WWOX: variants seen among roughly 807,000 people sequenced by gnomAD.
WWOX encodes the protein WW domain-containing oxidoreductase.
A neutral mutation model predicts 46.2 loss-of-function variants in WWOX; 69 were observed. The observed-to-expected ratio is 1.49, with a 90% CI of 1.23 to 1.82. The LOEUF (loss-of-function observed/expected upper bound fraction) is 1.82, where lower values mean the gene tolerates loss of function less well. WWOX is among the 40% of genes most tolerant of loss of function. The pLI is 0.00. For missense variants in WWOX, 919 were observed against 542.6 expected (o/e 1.69, Z -6.89); for synonymous variants, 359 against 202.6 (o/e 1.77, Z -6.56).
At chr16:78,763,085 A>G (rs774271900) in intron 8 of WWOX, among the ~76,000 whole-genome samples, 31 of 152,180 alleles carry the variant, frequency 2.0e-4, no homozygotes, top group Admixed American at 3.3e-4. Context: ...ATTTTTCCTG[A>G]GCACCTACTC....
At chr16:78,751,631 A>G (rs999719169) in intron 8 of WWOX, among the ~76,000 whole-genome samples, 3 of 151,888 alleles carry the variant, frequency 2.0e-5, no homozygotes, top group Non-Finnish European at 4.4e-5. Flanking sequence ...ATGTAGATAC[A>G]AAAATAGAGT....
intron 4 of WWOX, among the ~76,000 whole-genome samples, chr16:78,143,993 T>A (rs562258697): frequency 6.6e-6 from 1 of 152,190 alleles, no homozygotes; most frequent in African/African-American, 2.4e-5. Flanking sequence ...ACCCATACAT[T>A]TAAATCATAC....
At chr16:79,166,745 A>G (rs543345730) in intron 8 of WWOX, among the ~76,000 whole-genome samples, 1 of 152,320 alleles carries the variant, frequency 6.6e-6, no homozygotes, top group African/African-American at 2.4e-5. Flanking sequence ...CAGATTATTC[A>G]TTACAATGAA....
At chr16:78,704,922 T>TG (rs2048300052) in intron 8 of WWOX, among the ~76,000 whole-genome samples, 2 of 148,458 alleles carry the variant, frequency 1.3e-5, no homozygotes, top group African/African-American at 4.9e-5. Context: ...TACAACTTGT[T>TG]TTTTTTTTTT....
chr16:79,128,641 G>T (rs2049811195), intron 8 of WWOX, among the ~76,000 whole-genome samples: 1 of 152,164 alleles, frequency 6.6e-6, no homozygotes, highest in South Asian at 2.1e-4. Flanking sequence ...TATTTCCAAA[G>T]AATGATTTCA....
At chr16:78,194,072 GT>G (rs61579324) in intron 5 of WWOX, among the ~76,000 whole-genome samples, 18,777 of 151,200 alleles carry the variant, frequency 0.12, 1,567 homozygotes, top group African/African-American at 0.24. Context: ...TAGAGACGGG[GT>G]TTCACTGAAG....
At chr16:78,609,209 A>T (rs1193026836) in intron 8 of WWOX, among the ~76,000 whole-genome samples, 1 of 152,224 alleles carries the variant, frequency 6.6e-6, no homozygotes, top group Non-Finnish European at 1.5e-5. Flanking sequence ...GTTGATAGAT[A>T]TCATTGTTTC....
chr16:78,656,271 G>C (rs940437264), intron 8 of WWOX, among the ~76,000 whole-genome samples: 10 of 152,034 alleles, frequency 6.6e-5, no homozygotes, highest in Non-Finnish European at 1.3e-4. Flanking sequence ...TATCTGATGA[G>C]GCCTTTTTTG....
intron 8 of WWOX, among the ~76,000 whole-genome samples, chr16:78,575,043 A>AGC (rs1567655086): frequency 1.8e-4 from 1 of 5,498 alleles, no homozygotes; most frequent in African/African-American, 6.5e-4. Context: ...ATATATATAT[A>AGC]TATATATATA....
At chr16:79,126,905 G>C (rs748607432) in intron 8 of WWOX, among the ~76,000 whole-genome samples, 36 of 152,166 alleles carry the variant, frequency 2.4e-4, no homozygotes, top group Non-Finnish European at 5.0e-4. Flanking sequence ...CTGTGTGTAA[G>C]ACAGAGAAAA....
chr16:78,140,229 A>C (rs1413359179), intron 4 of WWOX, among the ~76,000 whole-genome samples: 1 of 152,032 alleles, frequency 6.6e-6, no homozygotes, highest in Non-Finnish European at 1.5e-5. Context: ...GATACAGTCC[A>C]CCCCCTGCAC....
chr16:78,734,746 C>A (rs950840203), intron 8 of WWOX, among the ~76,000 whole-genome samples: 3 of 146,918 alleles, frequency 2.0e-5, no homozygotes, highest in Non-Finnish European at 4.5e-5. Context: ...GCCTGAGCTT[C>A]GTCTCATCAG....
chr16:78,694,822 C>G (rs117557560), intron 8 of WWOX, among the ~76,000 whole-genome samples: 2,010 of 150,932 alleles, frequency 0.013, 19 homozygotes, highest in South Asian at 0.036. Context: ...CACCCCACTA[C>G]TCTTTTTTTT....
intron 8 of WWOX, among the ~76,000 whole-genome samples, chr16:79,062,946 C>A (rs371227014): frequency 1.3e-5 from 2 of 152,212 alleles, no homozygotes; most frequent in Non-Finnish European, 2.9e-5. Context: ...CAATTACCCA[C>A]CCAAATCAGC....
At chr16:79,051,599 G>C (rs938528969) in intron 8 of WWOX, among the ~76,000 whole-genome samples, 2 of 152,202 alleles carry the variant, frequency 1.3e-5, no homozygotes, top group African/African-American at 2.4e-5. Context: ...GTCAACATTA[G>C]TGAACAGCCA....
intron 5 of WWOX, among the ~76,000 whole-genome samples, chr16:78,203,122 C>T (rs922926856): frequency 2.0e-5 from 3 of 152,094 alleles, no homozygotes; most frequent in Non-Finnish European, 4.4e-5. Context: ...CAAGTAAAGG[C>T]CATAAGGCTG....
rs534712005 is a variant in WWOX, at chr16:78,951,401, T to C, written c.1057-260207T>C. 9.9e-5 allele frequency among the ~76,000 whole-genome samples: 15 copies of C among 152,194 alleles called. No homozygotes were observed. The South Asian group carries it at 1.5e-3, about 15-fold the overall frequency. The stretch of plus-strand genomic sequence containing the variant: ...CCCTCAGTGGGTCACATGTAAATCA[T>C]TGAGCCAATCACCGTCTTTCTGTCT... On this transcript the variant is annotated intron_variant, in intron 8 of 8. Transcript: ENST00000566780.
intron 8 of WWOX, among the ~76,000 whole-genome samples, chr16:78,879,502 C>CA (rs61148764): frequency 1.5e-3 from 217 of 140,872 alleles, no homozygotes; most frequent in East Asian, 1.9e-3. Context: ...AGTCCACTCT[C>CA]AAAAAAAAAA....
chr16:78,238,242 G>A (rs559314416), intron 5 of WWOX: 2 of 152,284 alleles, frequency 1.3e-5, no homozygotes, highest in South Asian at 2.1e-4. Context: ...ATTTGGTGGT[G>A]AAATTTGACT....
Sources: gnomAD v4.1 joint callset for allele counts (sites outside exome capture counted in the v4.1 genomes callset) on GRCh38, gnomAD v4.1.1 for gene constraint, MANE v1.5 for transcripts, NCBI Gene and HGNC (gene_info 2026-07-23, HGNC 2026-07-21) for gene names.